The following MEI4 variants were observed in gnomAD, a reference collection of about 807,000 sequenced individuals.
MEI4 encodes meiosis-specific protein MEI4.
In MEI4, 27 loss-of-function variants were observed where a neutral mutation model predicts 31.4. That is an observed-to-expected ratio of 0.86 (90% CI 0.63 to 1.19). The LOEUF is 1.19. Among genes scored for constraint, MEI4 ranks in the 50% most tolerant of loss-of-function variants. The pLI is 0.00. For missense variants in MEI4, 329 were observed against 398.9 expected (o/e 0.82, Z 1.49); for synonymous variants, 122 against 145.4 (o/e 0.84, Z 1.16).
chr6:77,653,549 A>C (rs1350344884), intron 1 of MEI4, among the ~76,000 whole-genome samples: 1 of 152,174 alleles, frequency 6.6e-6, no homozygotes, highest in Non-Finnish European at 1.5e-5. Flanking sequence ...ATAGCACCTG[A>C]GTGTTGGCTA....
intron 3 of MEI4, among the ~76,000 whole-genome samples, chr6:77,778,306 T>C (rs1582132246): frequency 1.3e-5 from 2 of 151,640 alleles, no homozygotes; most frequent in African/African-American, 2.4e-5. Flanking sequence ...GCTAGAAGAG[T>C]TGCAAATAGA....
chr6:77,744,625 A>G (rs1200264772), intron 2 of MEI4, among the ~76,000 whole-genome samples: 1 of 152,182 alleles, frequency 6.6e-6, no homozygotes, highest in Non-Finnish European at 1.5e-5. Flanking sequence ...AGAACGCCAC[A>G]AAGATACTCC....
intron 1 of MEI4, among the ~76,000 whole-genome samples, chr6:77,657,788 G>A (rs1768425216): frequency 6.6e-6 from 1 of 152,142 alleles, no homozygotes; most frequent in Admixed American, 6.5e-5. Flanking sequence ...GCCATTATAT[G>A]CTCTCTGCTC....
intron 2 of MEI4, among the ~76,000 whole-genome samples, chr6:77,708,618 C>G (rs1033407373): frequency 7.2e-5 from 11 of 152,090 alleles, no homozygotes; most frequent in African/African-American, 2.7e-4. Context: ...AATGTGATCC[C>G]CAGTGTTGAA....
chr6:77,845,529 G>C (rs971105034), intron 4 of MEI4, among the ~76,000 whole-genome samples: 1 of 152,268 alleles, frequency 6.6e-6, no homozygotes, highest in East Asian at 1.9e-4. Context: ...AATCCATGGA[G>C]TGAGGTGGGA....
At chr6:77,744,726 A>G (rs536788044) in intron 2 of MEI4, among the ~76,000 whole-genome samples, 1 of 151,778 alleles carries the variant, frequency 6.6e-6, no homozygotes, top group Non-Finnish European at 1.5e-5. Context: ...AGAGAAAGGT[A>G]TGGTTACCCA....
intron 3 of MEI4, among the ~76,000 whole-genome samples, chr6:77,763,333 A>C (rs1481808307): frequency 6.6e-6 from 1 of 152,074 alleles, no homozygotes. Context: ...TGTTCCATGC[A>C]CACCAAGTTC....
At position 77,665,372 on chromosome 6, in the gene MEI4, C is replaced by T. The variant is rs576076773; in HGVS notation, c.-15+12280C>T. On this transcript the variant is annotated intron_variant, in intron 1 of 4. Coordinates refer to ENST00000684080, the MANE Select transcript of MEI4 (RefSeq NM_001322247.2). ...CCTCCCCCAGAAAAGCGGGACTTGC[C>T]GCTAAGGGTGAAGGAGAAGGGGTTG... Among the ~76,000 whole-genome samples the T allele has an allele frequency of 2.4e-4, 36 of 151,398 alleles. No homozygotes were observed. In the East Asian group the frequency reaches 2.6e-3, roughly 11 times the overall value.
intron 2 of MEI4, among the ~76,000 whole-genome samples, chr6:77,734,900 G>A (rs1430064863): frequency 6.6e-6 from 1 of 151,672 alleles, no homozygotes; most frequent in African/African-American, 2.4e-5. Flanking sequence ...ATGAAGCTTA[G>A]TTTGGCTGGA....
intron 1 of MEI4, among the ~76,000 whole-genome samples, chr6:77,666,882 T>TGTGTGC (rs1554208067): frequency 1.5e-5 from 2 of 133,896 alleles, no homozygotes; most frequent in African/African-American, 5.8e-5. Flanking sequence ...TGTGTGTGTG[T>TGTGTGC]GCGTGCGTGC....
chr6:77,754,701 G>A (rs1767867246), intron 2 of MEI4, among the ~76,000 whole-genome samples: 1 of 152,160 alleles, frequency 6.6e-6, no homozygotes, highest in African/African-American at 2.4e-5. Context: ...ATGAGGTTCT[G>A]TTGACTCACA....
chr6:77,916,443 G>T (rs1321133826), intron 4 of MEI4, among the ~76,000 whole-genome samples: 1 of 151,770 alleles, frequency 6.6e-6, no homozygotes, highest in Non-Finnish European at 1.5e-5. Context: ...CATTATTTTG[G>T]TTATATTAGG....
At chr6:77,730,683 T>A (rs1418543280) in intron 2 of MEI4, among the ~76,000 whole-genome samples, 1 of 151,996 alleles carries the variant, frequency 6.6e-6, no homozygotes, top group Non-Finnish European at 1.5e-5. Flanking sequence ...ATGTGCAAGT[T>A]AGTTACATAT....
intron 3 of MEI4, among the ~76,000 whole-genome samples, chr6:77,798,483 A>G (rs1582156558): frequency 6.6e-6 from 1 of 150,756 alleles, no homozygotes; most frequent in South Asian, 2.1e-4. Flanking sequence ...TTATTTATTT[A>G]TTTATTTTTT....
intron 4 of MEI4, among the ~76,000 whole-genome samples, chr6:77,872,031 T>G (rs1213017513): frequency 6.6e-6 from 1 of 152,216 alleles, no homozygotes; most frequent in Non-Finnish European, 1.5e-5. Flanking sequence ...CCAAGTTTGC[T>G]TGGATCATTT....
intron 4 of MEI4, among the ~76,000 whole-genome samples, chr6:77,892,398 G>A (rs1257630716): frequency 6.6e-6 from 1 of 152,094 alleles, no homozygotes; most frequent in Non-Finnish European, 1.5e-5. Context: ...TCCCCCACTG[G>A]TACACATGGG....
chr6:77,799,040 C>T (rs1406990184), intron 3 of MEI4, among the ~76,000 whole-genome samples: 105 of 151,896 alleles, frequency 6.9e-4, no homozygotes, highest in African/African-American at 2.1e-3. Flanking sequence ...ATGGTATTTC[C>T]AGTTCTAGAT....
intron 3 of MEI4, among the ~76,000 whole-genome samples, chr6:77,784,534 T>G (rs1768680901): frequency 6.6e-6 from 1 of 152,160 alleles, no homozygotes; most frequent in Non-Finnish European, 1.5e-5. Flanking sequence ...ACATGAGACT[T>G]CATTCCTTGC....
chr6:77,868,555 G>T (rs1771117473), intron 4 of MEI4, among the ~76,000 whole-genome samples: 1 of 117,788 alleles, frequency 8.5e-6, no homozygotes. Context: ...ATCTCTTAGA[G>T]AAGTGTCTAG....
Sources: allele counts gnomAD v4.1 joint callset (sites outside exome capture counted in the v4.1 genomes callset), GRCh38; gene constraint gnomAD v4.1.1; transcripts MANE v1.5; gene names NCBI Gene and HGNC (gene_info 2026-07-23, HGNC 2026-07-21).